EXOC6: variants seen among roughly 807,000 people sequenced by gnomAD.
EXOC6 encodes the protein SEC15-like 1.
EXOC6 carries 60 observed loss-of-function variants against 112.5 expected under a neutral mutation model. The ratio of observed to expected loss-of-function variants is 0.53; its 90% confidence interval spans 0.43 to 0.66. EXOC6 has a LOEUF of 0.66. Among genes scored for constraint, EXOC6 ranks in the 30% least tolerant of loss-of-function variants. EXOC6 has a pLI of 0.00. For missense variants in EXOC6, 855 were observed against 957.1 expected, an observed-to-expected ratio of 0.89 and a Z score of 1.41; for synonymous variants, 295 against 308.0, an observed-to-expected ratio of 0.96 and a Z score of 0.44.
At chr10:92,887,384 A>C (rs893150397) in intron 1 of EXOC6, among the ~76,000 whole-genome samples, 2 of 141,578 alleles carry the variant, frequency 1.4e-5, no homozygotes, top group African/African-American at 5.3e-5. Flanking sequence ...TGTAGTGATT[A>C]ATTTAATTTT....
chr10:93,032,174 G>T (rs1328987828), intron 20 of EXOC6, among the ~76,000 whole-genome samples: 2 of 152,082 alleles, frequency 1.3e-5, no homozygotes. Context: ...AGTTTGGGAG[G>T]CTGAGGCAAA....
intron 15 of EXOC6, 87 bp from the exon 16 acceptor site, chr10:92,954,538 ATTATT>A (rs1853586262): frequency 1.8e-6 from 1 of 566,106 alleles, no homozygotes. Flanking sequence ...GATGGGGAAA[ATTATT>A]TTAGTAAACT....
At chr10:92,853,483 T>G (rs7087174) in intron 1 of EXOC6, among the ~76,000 whole-genome samples, 68,388 of 151,982 alleles carry the variant, frequency 0.45, 16,165 homozygotes, top group African/African-American at 0.58. Context: ...CCCATAGACC[T>G]GATTTTAAGA....
chr10:92,984,251 T>G lies in EXOC6; in HGVS notation c.1953+10019T>G, dbSNP rs552707595. Among the ~76,000 whole-genome samples the G allele has an allele frequency of 4.6e-5, 7 of 152,332 alleles. No homozygotes were observed. In the East Asian group the frequency reaches 1.4e-3, roughly 29 times the overall value. On this transcript the variant is annotated intron_variant, in intron 18 of 21. Transcript: ENST00000260762. ...AATTATACTCCATTATTTAATGAAA[T>G]TATACACATTTTAGTTGACTTAATA... is the stretch of plus-strand genomic sequence containing the variant.
At chr10:92,908,778 T>C (rs972410835) in intron 5 of EXOC6, among the ~76,000 whole-genome samples, 2 of 152,208 alleles carry the variant, frequency 1.3e-5, no homozygotes, top group African/African-American at 4.8e-5. Context: ...TACACTTTAC[T>C]AATTGCTGCA....
chr10:92,918,650 C>G (rs1022544005), intron 7 of EXOC6, among the ~76,000 whole-genome samples: 7 of 152,130 alleles, frequency 4.6e-5, no homozygotes, highest in African/African-American at 1.7e-4. Flanking sequence ...TCTTGAACTC[C>G]TGGCTTCAAG....
At chr10:92,834,597 C>CTT (rs1846602289), upstream of EXOC6, 1 of 609,276 alleles carries the variant, frequency 1.6e-6, no homozygotes. Context: ...AGACAGTGAG[C>CTT]TTGTTTTTGT....
At chr10:92,975,368 G>A (rs1842484119) in intron 18 of EXOC6, among the ~76,000 whole-genome samples, 1 of 149,974 alleles carries the variant, frequency 6.7e-6, no homozygotes, top group Admixed American at 6.6e-5. Flanking sequence ...CCCTCCGCCC[G>A]GCAGCCGCCC....
chr10:92,859,207 A>C (rs1030930503), intron 1 of EXOC6, among the ~76,000 whole-genome samples: 1 of 151,816 alleles, frequency 6.6e-6, no homozygotes, highest in African/African-American at 2.4e-5. Context: ...ACCCCATAAC[A>C]CTCATGGGGC....
intron 12 of EXOC6, 36 bp from the exon 13 acceptor site, chr10:92,940,690 AC>A (rs1852611798): frequency 7.4e-7 from 1 of 1,348,510 alleles, no homozygotes; most frequent in Non-Finnish European, 1.0e-6. Flanking sequence ...ATTTTTGTAC[AC>A]TTGTTTATCT....
At position 92,894,996 on chromosome 10, in the gene EXOC6, G is replaced by A. The variant is rs751048306; in HGVS notation, c.388G>A (p.Glu130Lys). 6 of 1,610,688 alleles carry A rather than the reference G, an allele frequency of 3.7e-6. No individual in the cohort carries two copies. The highest frequency in any genetic ancestry group is 4.2e-6 in the Non-Finnish European group (5 of 1,177,094). The change falls in exon 4 of 22, where the codon GAA becomes AAA. Residue 130 changes from glutamate (E) to lysine (K), a missense_variant. Around this residue, in one of 2 missense-constraint regions of EXOC6, gnomAD observed 405 missense variants for 393.6 expected, o/e 1.03. Transcript: ENST00000260762. ...IQQRNITTVV[E>K]KLQLCLPVLE... ...GCAGAGAAATATTACAACTGTAGTAGAAAAATTGCAGTTATGCCTTCCTGG... is the reference window on the plus strand; with the variant it reads ...GCAGAGAAATATTACAACTGTAGTAAAAAAATTGCAGTTATGCCTTCCTGG...
intron 1 of EXOC6, among the ~76,000 whole-genome samples, chr10:92,841,217 A>G (rs1434392174): frequency 1.3e-5 from 2 of 152,030 alleles, no homozygotes; most frequent in African/African-American, 4.8e-5. Flanking sequence ...TCCTTTTCCC[A>G]TCTATGTCTC....
chr10:92,950,238 TTAAGTA>T (rs1853322075), intron 14 of EXOC6, among the ~76,000 whole-genome samples: 1 of 152,150 alleles, frequency 6.6e-6, no homozygotes, highest in African/African-American at 2.4e-5. Context: ...TTTTCCTAGT[TTAAGTA>T]TAATTTTCAA....
intron 18 of EXOC6, among the ~76,000 whole-genome samples, chr10:92,988,188 A>G (rs1297037683): frequency 1.3e-5 from 2 of 152,046 alleles, no homozygotes; most frequent in Non-Finnish European, 2.9e-5. Flanking sequence ...TTTCTTTCTC[A>G]TCCCAGCCCA....
At chr10:92,846,614 AGACT>A (rs1847062907), upstream of EXOC6, among the ~76,000 whole-genome samples, 1 of 152,218 alleles carries the variant, frequency 6.6e-6, no homozygotes, top group Non-Finnish European at 1.5e-5. Flanking sequence ...AGGAAATGGA[AGACT>A]GTCTTAGCTC....
At position 93,034,436 on chromosome 10, in the gene EXOC6, A is replaced by G. The variant is rs555564979; in HGVS notation, c.2169+20169A>G. ...ATAATCTCTCTCTACCATACCCCCAAATGATTATAAGGTTTAGGAAAGAAG... is the reference window on the plus strand; with the variant it reads ...ATAATCTCTCTCTACCATACCCCCAGATGATTATAAGGTTTAGGAAAGAAG... On this transcript the variant is annotated intron_variant, in intron 20 of 21. Coordinates refer to ENST00000260762, the MANE Select transcript of EXOC6 (RefSeq NM_019053.6). Among the ~76,000 whole-genome samples the G allele has an allele frequency of 1.5e-3, 221 of 152,248 alleles. 1 individual carries two copies. The highest frequency in any genetic ancestry group is 1.8e-3 in the Non-Finnish European group (120 of 68,014).
chr10:92,936,317 C>T (rs1852336672), intron 12 of EXOC6, among the ~76,000 whole-genome samples: 1 of 152,156 alleles, frequency 6.6e-6, no homozygotes, highest in Non-Finnish European at 1.5e-5. Flanking sequence ...GCTTTAGATC[C>T]TTATTTGTGA....
At chr10:92,975,204 G>A (rs1213223561) in intron 18 of EXOC6, among the ~76,000 whole-genome samples, 4 of 149,828 alleles carry the variant, frequency 2.7e-5, no homozygotes, top group Non-Finnish European at 3.0e-5. Flanking sequence ...TGTGGGGAGC[G>A]CCTCTGCCCC....
At chr10:92,887,946 T>C (rs1316720034) in intron 1 of EXOC6, among the ~76,000 whole-genome samples, 2 of 152,160 alleles carry the variant, frequency 1.3e-5, no homozygotes, top group Non-Finnish European at 2.9e-5. Context: ...CTCATTGATA[T>C]GGGTTGTGGG....
Sources: allele counts gnomAD v4.1 joint callset (sites outside exome capture counted in the v4.1 genomes callset), GRCh38; gene constraint gnomAD v4.1.1; regional missense constraint gnomAD v4.1.1; transcripts MANE v1.5; gene names NCBI Gene and HGNC (gene_info 2026-07-23, HGNC 2026-07-21).